Variants in KCNAB1 observed in about 807,000 individuals in gnomAD.
KCNAB1 encodes voltage-gated potassium channel subunit beta-1.
KCNAB1 carries 35 observed loss-of-function variants against 64.6 expected under a neutral mutation model. The observed-to-expected ratio is 0.54, with a 90% CI of 0.41 to 0.72. KCNAB1 has a LOEUF of 0.72. Ranked by LOEUF, KCNAB1 falls within the 30% of genes least tolerant of loss-of-function variation. KCNAB1 has a pLI of 0.00. For synonymous variants in KCNAB1, 177 were observed against 183.8 expected (o/e 0.96, Z 0.30); for missense variants, 401 against 512.9 (o/e 0.78, Z 2.11).
intron 8 of KCNAB1, among the ~76,000 whole-genome samples, chr3:156,503,379 T>G (rs536779148): frequency 6.2e-4 from 94 of 152,336 alleles, no homozygotes; most frequent in African/African-American, 2.2e-3. Flanking sequence ...GGCAAGTCAC[T>G]TCGCCATTCT....
At chr3:156,351,829 C>T (rs1724879390) in intron 1 of KCNAB1, among the ~76,000 whole-genome samples, 1 of 152,220 alleles carries the variant, frequency 6.6e-6, no homozygotes, top group Admixed American at 6.5e-5. Flanking sequence ...GGTCTCTCTC[C>T]CTGCCTCCCC....
At chr3:156,271,546 T>C (rs1418829663) in intron 1 of KCNAB1, among the ~76,000 whole-genome samples, 2 of 152,232 alleles carry the variant, frequency 1.3e-5, no homozygotes, top group Non-Finnish European at 2.9e-5. Flanking sequence ...TTTTAAATTA[T>C]TTCAATTTCT....
intron 1 of KCNAB1, among the ~76,000 whole-genome samples, chr3:156,309,701 C>T (rs1232758004): frequency 6.6e-6 from 1 of 152,210 alleles, no homozygotes; most frequent in African/African-American, 2.4e-5. Context: ...TCTTTGTGAT[C>T]AGCATCAAAG....
intron 1 of KCNAB1, among the ~76,000 whole-genome samples, chr3:156,122,915 C>T (rs1015832508): frequency 6.6e-6 from 1 of 152,334 alleles, no homozygotes; most frequent in East Asian, 1.9e-4. Flanking sequence ...AATGTTGGAA[C>T]TACATTCCTC....
At chr3:156,135,806 T>C (rs1226265383) in intron 1 of KCNAB1, among the ~76,000 whole-genome samples, 1 of 152,176 alleles carries the variant, frequency 6.6e-6, no homozygotes. Context: ...AGAAGATAGA[T>C]AAGCCCCATG....
chr3:156,487,935 A>C (rs1715332414), intron 8 of KCNAB1, among the ~76,000 whole-genome samples: 1 of 152,072 alleles, frequency 6.6e-6, no homozygotes, highest in African/African-American at 2.4e-5. Flanking sequence ...AAAGAATGAA[A>C]TTTTGTTTCT....
intron 1 of KCNAB1, among the ~76,000 whole-genome samples, chr3:156,414,404 T>C (rs1387785660): frequency 2.6e-5 from 4 of 152,246 alleles, no homozygotes; most frequent in African/African-American, 9.6e-5. Flanking sequence ...CACTTCTTTA[T>C]TAATGTATTA....
chr3:156,200,516 TCCCAGTGAGAAGGAATCTA>T (rs1440609941), intron 1 of KCNAB1, among the ~76,000 whole-genome samples: 1 of 152,214 alleles, frequency 6.6e-6, no homozygotes, highest in Non-Finnish European at 1.5e-5. Flanking sequence ...GAGATGGCCT[TCCCAGTGAGAAGGAATCTA>T]GAGAGGCAGC....
intron 8 of KCNAB1, among the ~76,000 whole-genome samples, chr3:156,488,779 A>G (rs980764552): frequency 6.6e-6 from 1 of 152,132 alleles, no homozygotes; most frequent in African/African-American, 2.4e-5. Context: ...ATATGTTAAA[A>G]AATGGTTATA....
intron 11 of KCNAB1, among the ~76,000 whole-genome samples, chr3:156,522,168 A>C (rs1717992898): frequency 6.6e-6 from 1 of 151,224 alleles, no homozygotes; most frequent in South Asian, 2.1e-4. Flanking sequence ...ACTGAAACTC[A>C]GAAATTCTAA....
intron 12 of KCNAB1, among the ~76,000 whole-genome samples, chr3:156,529,860 C>T (rs998980779): frequency 3.3e-5 from 5 of 152,122 alleles, no homozygotes; most frequent in Admixed American, 6.5e-5. Context: ...AAGAAGTTTG[C>T]GGTGCTGGTG....
chr3:156,374,082 A>G (rs975680184), intron 1 of KCNAB1, among the ~76,000 whole-genome samples: 1 of 152,204 alleles, frequency 6.6e-6, no homozygotes, highest in African/African-American at 2.4e-5. Context: ...GAGGGTGATA[A>G]TAGCACCTAC....
chr3:156,514,866 T>C (rs940038349), intron 9 of KCNAB1, among the ~76,000 whole-genome samples: 4 of 152,092 alleles, frequency 2.6e-5, no homozygotes, highest in African/African-American at 7.3e-5. Flanking sequence ...CCTTGACTAA[T>C]TTGCTCTGGA....
chr3:156,141,281 A>G (rs1456562126), intron 1 of KCNAB1, among the ~76,000 whole-genome samples: 1 of 152,138 alleles, frequency 6.6e-6, no homozygotes, highest in East Asian at 1.9e-4. Flanking sequence ...TGAGTAATTT[A>G]TATTTAGTTC....
chr3:156,445,443 A>C (rs887287019), intron 2 of KCNAB1, among the ~76,000 whole-genome samples: 1 of 152,206 alleles, frequency 6.6e-6, no homozygotes, highest in Non-Finnish European at 1.5e-5. Context: ...CCACTCCCAG[A>C]AATTCTGATT....
At chr3:156,497,511 A>G (rs1716087773) in intron 8 of KCNAB1, among the ~76,000 whole-genome samples, 1 of 152,240 alleles carries the variant, frequency 6.6e-6, no homozygotes, top group African/African-American at 2.4e-5. Context: ...TGATACACAG[A>G]CAGCTGTATA....
intron 1 of KCNAB1, among the ~76,000 whole-genome samples, chr3:156,157,405 T>A (rs1238144624): frequency 6.6e-6 from 1 of 152,228 alleles, no homozygotes; most frequent in Admixed American, 6.5e-5. Context: ...CAAATGATGA[T>A]ACTTATAAAG....
At chr3:156,182,695 A>ATTT (rs10624040) in intron 1 of KCNAB1, among the ~76,000 whole-genome samples, 1,732 of 132,648 alleles carry the variant, frequency 0.013, 45 homozygotes, top group East Asian at 0.024. Flanking sequence ...AAGTAAGACA[A>ATTT]TTTTTTTTTT....
intron 1 of KCNAB1, among the ~76,000 whole-genome samples, chr3:156,178,386 C>T (rs376010052): frequency 4.6e-5 from 7 of 152,292 alleles, no homozygotes; most frequent in African/African-American, 1.7e-4. Context: ...CAGAAATCTC[C>T]ACAAAGTTGA....
Sources: gnomAD v4.1 joint callset for allele counts (sites outside exome capture counted in the v4.1 genomes callset) on GRCh38, gnomAD v4.1.1 for gene constraint, MANE v1.5 for transcripts, NCBI Gene and HGNC (gene_info 2026-07-23, HGNC 2026-07-21) for gene names.